SUPT3H: variants seen among roughly 807,000 people sequenced by gnomAD.
SUPT3H encodes transcription initiation protein SPT3 homolog.
Under a neutral mutation model 44.3 loss-of-function variants are expected in SUPT3H, and 44 were observed. The ratio of observed to expected loss-of-function variants is 0.99; its 90% CI spans 0.78 to 1.28. The LOEUF is 1.28. Among genes scored for constraint, SUPT3H ranks in the 50% most tolerant of loss-of-function variants. The probability of loss-of-function intolerance (pLI) is 0.00; values close to 1 mark genes in which losing one functional copy is unlikely to be tolerated. For synonymous variants in SUPT3H, 124 were observed against 125.6 expected (o/e 0.99, Z 0.09); for missense variants, 380 against 387.1 (o/e 0.98, Z 0.15).
At chr6:45,056,640 A>C (rs1002253585) in intron 3 of SUPT3H, among the ~76,000 whole-genome samples, 14 of 152,224 alleles carry the variant, frequency 9.2e-5, no homozygotes, top group Admixed American at 7.2e-4. Flanking sequence ...TACAAGTGGG[A>C]GCTAAGCTAT....
At chr6:45,273,105 C>T (rs1369471605) in intron 2 of SUPT3H, among the ~76,000 whole-genome samples, 1 of 152,216 alleles carries the variant, frequency 6.6e-6, no homozygotes, top group East Asian at 1.9e-4. Flanking sequence ...AACCTTGGCA[C>T]CCATCGGGTG....
At chr6:44,833,493 A>AAAAC in intron 10 of SUPT3H, among the ~76,000 whole-genome samples, 1 of 152,102 alleles carries the variant, frequency 6.6e-6, no homozygotes, top group East Asian at 1.9e-4. Context: ...AAGGAGGGAG[A>AAAAC]AAACAAAGCA....
intron 2 of SUPT3H, among the ~76,000 whole-genome samples, chr6:45,140,712 C>T (rs536911498): frequency 6.6e-5 from 10 of 152,188 alleles, no homozygotes; most frequent in South Asian, 4.2e-4. Flanking sequence ...GACCTGAAGA[C>T]GGATAACATC....
intron 2 of SUPT3H, among the ~76,000 whole-genome samples, chr6:45,317,463 A>C (rs945726380): frequency 2.0e-5 from 3 of 152,088 alleles, no homozygotes; most frequent in Non-Finnish European, 4.4e-5. Flanking sequence ...AGCTACAGTA[A>C]TCAAAACAGC....
chr6:45,242,524 C>T (rs1770556316), intron 2 of SUPT3H, among the ~76,000 whole-genome samples: 1 of 152,176 alleles, frequency 6.6e-6, no homozygotes, highest in South Asian at 2.1e-4. Context: ...CTTAAGTTCA[C>T]ACCAGTCAGA....
chr6:44,980,353 T>A (rs1328154397), intron 6 of SUPT3H, among the ~76,000 whole-genome samples: 3 of 152,178 alleles, frequency 2.0e-5, no homozygotes, highest in Non-Finnish European at 1.5e-5. Context: ...ATCATTTTTT[T>A]CTTTGTCCCT....
At chr6:45,194,464 A>T (rs1359995384) in intron 2 of SUPT3H, among the ~76,000 whole-genome samples, 38 of 152,196 alleles carry the variant, frequency 2.5e-4, no homozygotes, top group Non-Finnish European at 1.8e-4. Flanking sequence ...AAAGAATACT[A>T]TTCAAGTGCT....
intron 7 of SUPT3H, among the ~76,000 whole-genome samples, chr6:44,961,063 C>T (rs1167182160): frequency 6.6e-6 from 1 of 152,154 alleles, no homozygotes; most frequent in Non-Finnish European, 1.5e-5. Flanking sequence ...ATCACACTTT[C>T]TTCTTTGACC....
At chr6:44,904,467 A>C (rs955445521) in intron 10 of SUPT3H, among the ~76,000 whole-genome samples, 1 of 152,290 alleles carries the variant, frequency 6.6e-6, no homozygotes, top group Middle Eastern at 3.4e-3. Context: ...TACAAGGGAC[A>C]TGAAGGACCT....
intron 2 of SUPT3H, among the ~76,000 whole-genome samples, chr6:45,309,328 C>T (rs1026117901): frequency 9.3e-5 from 14 of 151,240 alleles, no homozygotes; most frequent in African/African-American, 3.4e-4. Flanking sequence ...TAAAAAGAAA[C>T]AAATTCCAAA....
intron 10 of SUPT3H, among the ~76,000 whole-genome samples, chr6:44,904,637 A>G (rs1313380909): frequency 1.2e-4 from 18 of 152,212 alleles, no homozygotes; most frequent in Admixed American, 8.5e-4. Context: ...TCAAGCTACC[A>G]ATGACTTTCT....
rs201077641 is a variant in SUPT3H at position 45,296,185 on chromosome 6, TAC to T, written c.101+69014_101+69015del. Among the ~76,000 whole-genome samples, 629 of 140,392 alleles carry T rather than the reference TAC, an allele frequency of 4.5e-3. 2 individuals carry two copies. The highest frequency in any genetic ancestry group is 0.014 in the South Asian group (58 of 4,050). 92.1% of individuals were successfully genotyped at this position (140,392 alleles called of 152,430 possible). A position where few individuals can be genotyped will look rare whatever the true frequency, so the allele number is the denominator to read the frequency against. On this transcript the variant is annotated intron_variant, in intron 2 of 10. Coordinates refer to ENST00000371459, the MANE Select transcript of SUPT3H (RefSeq NM_003599.4). ...TACATACATATATACATACACATAC[TAC>T]ACACACACACACACACACACACACA...
intron 2 of SUPT3H, among the ~76,000 whole-genome samples, chr6:45,343,235 TG>T (rs1403828386): frequency 2.0e-5 from 3 of 151,922 alleles, no homozygotes; most frequent in Non-Finnish European, 2.9e-5. Context: ...CTCAGCCGGG[TG>T]CAGTGGCTCA....
chr6:44,915,226 T>C (rs556851678), intron 10 of SUPT3H, among the ~76,000 whole-genome samples: 1 of 152,284 alleles, frequency 6.6e-6, no homozygotes, highest in South Asian at 2.1e-4. Context: ...CATTTTTCTT[T>C]CCACTGGGGA....
intron 2 of SUPT3H, among the ~76,000 whole-genome samples, chr6:45,306,565 T>C (rs1783054841): frequency 1.3e-5 from 2 of 152,124 alleles, no homozygotes; most frequent in South Asian, 4.1e-4. Context: ...AAGGGGTGAC[T>C]ACTCCACCAA....
chr6:45,047,634 A>G (rs1285140809), intron 3 of SUPT3H, among the ~76,000 whole-genome samples: 1 of 152,112 alleles, frequency 6.6e-6, no homozygotes, highest in African/African-American at 2.4e-5. Context: ...TTCTGATAAG[A>G]ATAATCTATT....
chr6:44,868,555 T>C (rs1582090167), intron 10 of SUPT3H, among the ~76,000 whole-genome samples: 1 of 131,410 alleles, frequency 7.6e-6, no homozygotes, highest in East Asian at 2.2e-4. Context: ...TGTCATGCTA[T>C]GGACTCTGTT....
chr6:44,840,072 G>C (rs532299294), intron 10 of SUPT3H, among the ~76,000 whole-genome samples: 1 of 152,336 alleles, frequency 6.6e-6, no homozygotes, highest in South Asian at 2.1e-4. Context: ...CAAAAGTTGA[G>C]ATCAGAGTCA....
chr6:44,963,796 G>A (rs774361415), intron 6 of SUPT3H, among the ~76,000 whole-genome samples: 162 of 152,132 alleles, frequency 1.1e-3, no homozygotes, highest in Non-Finnish European at 1.8e-3. Flanking sequence ...TCAGGAGATT[G>A]AGACCATCCT....
Sources: gnomAD v4.1 joint callset for allele counts (sites outside exome capture counted in the v4.1 genomes callset) on GRCh38, gnomAD v4.1.1 for gene constraint, MANE v1.5 for transcripts, NCBI Gene and HGNC (gene_info 2026-07-23, HGNC 2026-07-21) for gene names.